The following GALNTL6 variants were observed in gnomAD, a reference collection of about 807,000 sequenced individuals.
GALNTL6 encodes polypeptide N-acetylgalactosaminyltransferase like 6, also known as polypeptide N-acetylgalactosaminyltransferase-like 6.
In GALNTL6, 46 loss-of-function variants were observed where a neutral mutation model predicts 73.7. The observed-to-expected ratio is 0.62, with a 90% confidence interval of 0.49 to 0.80. GALNTL6 has a LOEUF of 0.80. Ranked by LOEUF, GALNTL6 falls within the 30% of genes least tolerant of loss-of-function variation. GALNTL6 has a pLI of 0.00. For synonymous variants in GALNTL6, 259 were observed against 263.7 expected, an observed-to-expected ratio of 0.98 and a Z score of 0.17; for missense variants, 604 against 755.0, an observed-to-expected ratio of 0.80 and a Z score of 2.34.
chr4:172,332,247 G>C (rs1181951813), intron 4 of GALNTL6, among the ~76,000 whole-genome samples: 1 of 151,606 alleles, frequency 6.6e-6, no homozygotes, highest in East Asian at 1.9e-4. Flanking sequence ...TTTTTAATTT[G>C]TAAAAATTTA....
chr4:172,531,741 C>A (rs192402787), intron 5 of GALNTL6, among the ~76,000 whole-genome samples: 3 of 152,152 alleles, frequency 2.0e-5, no homozygotes, highest in Non-Finnish European at 2.9e-5. Context: ...TGCCATGGGG[C>A]GTGCACACTC....
intron 8 of GALNTL6, among the ~76,000 whole-genome samples, chr4:172,906,017 G>C (rs960267309): frequency 6.6e-6 from 1 of 152,142 alleles, no homozygotes; most frequent in Non-Finnish European, 1.5e-5. Context: ...ATTCTCCAAA[G>C]TAACTGGCAC....
chr4:172,203,718 G>T (rs1579250060), intron 2 of GALNTL6, among the ~76,000 whole-genome samples: 1 of 151,998 alleles, frequency 6.6e-6, no homozygotes, highest in Non-Finnish European at 1.5e-5. Flanking sequence ...CTGATTGTTT[G>T]TTGTTTGGCA....
intron 12 of GALNTL6, among the ~76,000 whole-genome samples, chr4:173,034,831 C>T (rs985045929): frequency 9.2e-5 from 14 of 152,152 alleles, no homozygotes; most frequent in African/African-American, 2.2e-4. Context: ...CCCCCACTGC[C>T]CCAACCTCAC....
At chr4:172,380,666 CTT>C (rs1272658360) in intron 5 of GALNTL6, among the ~76,000 whole-genome samples, 1 of 152,186 alleles carries the variant, frequency 6.6e-6, no homozygotes, top group East Asian at 1.9e-4. Flanking sequence ...AAGAAGAACT[CTT>C]TCCTTAAAGC....
intron 3 of GALNTL6, among the ~76,000 whole-genome samples, chr4:172,255,638 A>T (rs1463819005): frequency 6.6e-6 from 1 of 151,470 alleles, no homozygotes; most frequent in African/African-American, 2.4e-5. Flanking sequence ...TCATATACAT[A>T]GATATATACA....
At chr4:172,490,902 C>A (rs1733871848) in intron 5 of GALNTL6, among the ~76,000 whole-genome samples, 1 of 152,108 alleles carries the variant, frequency 6.6e-6, no homozygotes. Context: ...TTCATTTATT[C>A]ATTTATAAGT....
chr4:172,429,736 A>G (rs1008315820), intron 5 of GALNTL6, among the ~76,000 whole-genome samples: 1 of 152,206 alleles, frequency 6.6e-6, no homozygotes, highest in African/African-American at 2.4e-5. Context: ...ATAAGGAGGA[A>G]AACAAGAAAG....
At chr4:172,362,303 A>T (rs1319768004) in intron 5 of GALNTL6, among the ~76,000 whole-genome samples, 1 of 152,158 alleles carries the variant, frequency 6.6e-6, no homozygotes, top group Non-Finnish European at 1.5e-5. Context: ...TGAACTCTTT[A>T]TATGAGGATT....
At chr4:173,036,142 C>T (rs779652235) in intron 12 of GALNTL6, among the ~76,000 whole-genome samples, 34 of 152,098 alleles carry the variant, frequency 2.2e-4, no homozygotes, top group Admixed American at 4.6e-4. Context: ...TGATGAATCC[C>T]CTACGCCACA....
At chr4:171,922,821 T>G (rs934698401) in intron 2 of GALNTL6, among the ~76,000 whole-genome samples, 1 of 152,144 alleles carries the variant, frequency 6.6e-6, no homozygotes, top group Non-Finnish European at 1.5e-5. Context: ...CCTTACTATT[T>G]AATATAGACC....
chr4:172,894,455 T>C (rs1408133726), intron 8 of GALNTL6, among the ~76,000 whole-genome samples: 2 of 152,324 alleles, frequency 1.3e-5, no homozygotes, highest in East Asian at 1.9e-4. Context: ...CATTGACCCA[T>C]TCGTCATTCA....
intron 2 of GALNTL6, among the ~76,000 whole-genome samples, chr4:172,152,582 A>T (rs1734134221): frequency 6.6e-6 from 1 of 152,214 alleles, no homozygotes; most frequent in Non-Finnish European, 1.5e-5. Context: ...CGAAGAAAAG[A>T]TAGCTCAGAA....
At chr4:172,081,824 G>A (rs1277677903) in intron 2 of GALNTL6, among the ~76,000 whole-genome samples, 1 of 151,806 alleles carries the variant, frequency 6.6e-6, no homozygotes, top group African/African-American at 2.4e-5. Flanking sequence ...GGATAATGGA[G>A]AGAAGTGGAG....
intron 3 of GALNTL6, among the ~76,000 whole-genome samples, chr4:172,293,988 A>T (rs958358016): frequency 1.3e-5 from 2 of 150,196 alleles, no homozygotes; most frequent in African/African-American, 4.9e-5. Flanking sequence ...ACCTACGGTC[A>T]TTTTTTTTTC....
chr4:172,822,858 T>A (rs977409743), intron 7 of GALNTL6, among the ~76,000 whole-genome samples: 4 of 152,222 alleles, frequency 2.6e-5, no homozygotes, highest in Non-Finnish European at 2.9e-5. Context: ...CCTGAGTCTG[T>A]CTGTCTGTCT....
At chr4:172,065,612 A>G (rs2110889967) in intron 2 of GALNTL6, among the ~76,000 whole-genome samples, 1 of 152,256 alleles carries the variant, frequency 6.6e-6, no homozygotes, top group Non-Finnish European at 1.5e-5. Context: ...CAGCAAAATT[A>G]AGAGGAGGGT....
At chr4:172,348,995 T>C (rs1267162029) in intron 5 of GALNTL6, among the ~76,000 whole-genome samples, 2 of 152,200 alleles carry the variant, frequency 1.3e-5, no homozygotes, top group Admixed American at 6.5e-5. Flanking sequence ...TATATTATTG[T>C]AAGTACATAT....
chr4:172,607,579 A>G (rs1006046309), intron 5 of GALNTL6, among the ~76,000 whole-genome samples: 2 of 152,112 alleles, frequency 1.3e-5, no homozygotes, highest in African/African-American at 4.8e-5. Context: ...ATGTGTCTTT[A>G]TGGTAGAATG....
Sources: allele counts gnomAD v4.1 joint callset (sites outside exome capture counted in the v4.1 genomes callset), GRCh38; gene constraint gnomAD v4.1.1; transcripts MANE v1.5; gene names NCBI Gene and HGNC (gene_info 2026-07-23, HGNC 2026-07-21).